Variants in ESR2 observed in about 807,000 individuals in gnomAD.
ESR2 encodes estrogen receptor beta.
In ESR2, 36 loss-of-function variants were observed where a neutral mutation model predicts 49.6. That is an observed-to-expected ratio of 0.73 (90% CI 0.56 to 0.96). The LOEUF (loss-of-function observed/expected upper bound fraction) is 0.96. Among genes scored for constraint, ESR2 ranks in the 40% least tolerant of loss-of-function variants. ESR2 has a pLI of 0.00. For missense variants in ESR2, 714 were observed against 693.0 expected (o/e 1.03, Z -0.34); for synonymous variants, 320 against 266.1 (o/e 1.20, Z -1.97).
chr14:64,238,954 A>G (rs2075664929), intron 7 of ESR2, among the ~76,000 whole-genome samples: 1 of 152,192 alleles, frequency 6.6e-6, no homozygotes. Context: ...AAGATTTGCC[A>G]CGTCTGATTT....
At chr14:64,248,635 T>C (rs890652595) in intron 7 of ESR2, among the ~76,000 whole-genome samples, 1 of 152,172 alleles carries the variant, frequency 6.6e-6, no homozygotes, top group Non-Finnish European at 1.5e-5. Context: ...ATTTGAATGT[T>C]TATTAACAAT....
intron 7 of ESR2, among the ~76,000 whole-genome samples, chr14:64,248,812 C>T (rs550751916): frequency 3.3e-5 from 5 of 152,232 alleles, no homozygotes; most frequent in South Asian, 2.1e-4. Context: ...AATGGGCCCC[C>T]GGCTTCAGTC....
Position 64,235,158 on chromosome 14 carries a change from A to C in ESR2, c.1226-8T>G. ...TGACCAGAGGGTACATACCTGGACA[A>C]AGAATAAAAGCCAGAAGTCATTGCT... On this transcript the variant is annotated splice_region_variant and splice_polypyrimidine_tract_variant and intron_variant, in intron 7 of 8. Transcript: ENST00000341099. 1 of 1,608,610 alleles carries C rather than the reference A, an allele frequency of 6.2e-7. No individual in the cohort carries two copies.
At chr14:64,262,108 T>A (rs2076236277) in intron 4 of ESR2, among the ~76,000 whole-genome samples, 1 of 149,098 alleles carries the variant, frequency 6.7e-6, no homozygotes, top group Non-Finnish European at 1.5e-5. Context: ...TCTTTGGATT[T>A]ACTTTTTTTT....
At chr14:64,227,340 T>C (rs1004832230), downstream of ESR2, 5 of 639,840 alleles carry the variant, frequency 7.8e-6, no homozygotes, top group Non-Finnish European at 1.3e-5. Context: ...GTCTTCACTT[T>C]AGCGTTTACA....
At chr14:64,228,007 G>C (rs1427657501), downstream of ESR2, 4 of 1,527,208 alleles carry the variant, frequency 2.6e-6, no homozygotes, top group Non-Finnish European at 2.6e-6. Context: ...CTGGATACCA[G>C]GACTTTTGTG....
intron 1 of ESR2, among the ~76,000 whole-genome samples, chr14:64,283,711 G>A (rs1298475188): frequency 8.1e-6 from 1 of 124,190 alleles, no homozygotes; most frequent in South Asian, 2.7e-4. Context: ...TTGTGCCACC[G>A]CGCTCCAGCC....
rs372687798 is a variant in ESR2 at position 64,240,231 on chromosome 14, A to ACAGGAGACCAAACTATG, written c.1226-5098_1226-5082dup. On this transcript the variant is annotated intron_variant, in intron 7 of 8. Transcript: ENST00000341099. Reference sequence around the variant, plus strand: ...TTAAGCATGTCACATACACAGGAAAACAGGAGACCAAACTATGCAGGAGAC... The same window carrying ACAGGAGACCAAACTATG: ...TTAAGCATGTCACATACACAGGAAAACAGGAGACCAAACTATGCAGGAGACCAAACTATGCAGGAGAC... Among the ~76,000 whole-genome samples the ACAGGAGACCAAACTATG allele has an allele frequency of 3.7e-3, 558 of 152,364 alleles. 5 individuals are homozygous for ACAGGAGACCAAACTATG. Among genetic ancestry groups the ACAGGAGACCAAACTATG allele is most frequent in the African/African-American group, 0.013 (531 of 41,584 alleles).
chr14:64,227,438 ATT>A, downstream of ESR2: 1 of 1,416,718 alleles, frequency 7.1e-7, no homozygotes, highest in East Asian at 2.3e-5. Context: ...TTTCTTTAAA[ATT>A]ATTTTTTTCA....
In ESR2 at chr14:64,231,792, T is replaced by C. The variant is rs553411787; in HGVS notation, c.*1345A>G. Reference sequence around the variant, plus strand: ...CTTCCATAGTATGCTGTTACTCATTTTACATATTCACCGTGTATCCAAAAC... The same window carrying C: ...CTTCCATAGTATGCTGTTACTCATTCTACATATTCACCGTGTATCCAAAAC... On this transcript the variant is annotated 3_prime_UTR_variant, in exon 9 of 9. Transcript: ENST00000341099. 5.3e-5 allele frequency: 8 copies of C among 152,364 alleles called. No individual in the cohort carries two copies. The South Asian group carries it at 1.7e-3, about 32-fold the overall frequency. The allele number at this position is 152,364 out of a possible 1,614,324, so 9.4% of individuals were successfully genotyped here.
chr14:64,230,783 CT>C lies in ESR2; in HGVS notation c.*2353del, dbSNP rs1211943337. ...CGCTCCTGATACTGCCCACTCGAGG[CT>C]CTAAAGGGATTGCCATTGCCAGTTC... On this transcript the variant is annotated 3_prime_UTR_variant, in exon 9 of 9. Transcript: ENST00000341099. 6.7e-6 allele frequency: 1 copy of C among 150,320 alleles called. No individual in the cohort carries two copies. The highest frequency in any genetic ancestry group is 1.5e-5 in the Non-Finnish European group (1 of 67,850). The allele number at this position is 150,320 out of a possible 1,614,324, so 9.3% of individuals were successfully genotyped here.
chr14:64,233,681 C>T (rs1037129996), intron 8 of ESR2: 20 of 229,952 alleles, frequency 8.7e-5, no homozygotes, highest in African/African-American at 4.4e-4. Flanking sequence ...GCCACATCTT[C>T]ATCAGCTGAT....
intron 1 of ESR2, among the ~76,000 whole-genome samples, chr14:64,323,726 C>T (rs1394571461): frequency 6.6e-6 from 1 of 152,146 alleles, no homozygotes; most frequent in African/African-American, 2.4e-5. Flanking sequence ...GAGTCTTGCT[C>T]TGTCGCCTAA....
chr14:64,251,027 G>A (rs1351773207), intron 6 of ESR2, among the ~76,000 whole-genome samples: 2 of 152,068 alleles, frequency 1.3e-5, no homozygotes, highest in Non-Finnish European at 2.9e-5. Flanking sequence ...GTGCCCCCTG[G>A]AAGTCACTCA....
chr14:64,241,229 C>G (rs566021001), intron 7 of ESR2, among the ~76,000 whole-genome samples: 30 of 150,298 alleles, frequency 2.0e-4, no homozygotes, highest in Admixed American at 1.6e-3. Context: ...ATATTTTTGA[C>G]TAGCAATATT....
Position 64,230,897 on chromosome 14 carries a change from A to C in ESR2, c.*2240T>G, listed in dbSNP as rs2098726583. 9.6e-6 allele frequency: 1 copy of C among 104,686 alleles called. No homozygotes were observed. The highest frequency in any genetic ancestry group is 2.9e-4 in the East Asian group (1 of 3,434). The allele number at this position is 104,686 out of a possible 1,614,324, so 6.5% of individuals were successfully genotyped here. Reference sequence around the variant, plus strand: ...TATATATATATATATATTTCGTGGCAATTTTTTTTTTTTTTTTTTTGAGAC... The same window carrying C: ...TATATATATATATATATTTCGTGGCCATTTTTTTTTTTTTTTTTTTGAGAC... On this transcript the variant is annotated 3_prime_UTR_variant, in exon 9 of 9. Transcript: ENST00000341099.
At chr14:64,326,816 TCA>T (rs1422554771) in intron 1 of ESR2, among the ~76,000 whole-genome samples, 1 of 152,206 alleles carries the variant, frequency 6.6e-6, no homozygotes, top group Non-Finnish European at 1.5e-5. Flanking sequence ...ACCTTTCTCT[TCA>T]GTATCACAGA....
At position 64,277,922 on chromosome 14, in the gene ESR2, C is replaced by T. The variant is rs80164409; in HGVS notation, c.535+2059G>A. 6.7e-3 allele frequency among the ~76,000 whole-genome samples: 1,019 copies of T among 151,800 alleles called. 8 individuals are homozygous for T. The highest frequency in any genetic ancestry group is 0.011 in the Non-Finnish European group (757 of 67,966). On this transcript the variant is annotated intron_variant, in intron 3 of 8. Transcript: ENST00000341099. ...GAAATTTACTTTCAATTGTTATTAG[C>T]TGTAGTCTCAGGGGTCAAAGATGTT...
rs1398526223 is a variant in ESR2 at position 64,318,492 on chromosome 14, G to A, written c.-91+19406C>T. ...GCAAAAGTTGCAGTGAGCCAAGATC[G>A]TGCCACCACACTCTAGCCTGGGCGA... On this transcript the variant is annotated intron_variant, in intron 1 of 8. Transcript: ENST00000358599. Among the ~76,000 whole-genome samples the A allele has an allele frequency of 7.3e-5, 9 of 122,902 alleles. No homozygotes were observed. In the South Asian group the frequency reaches 7.9e-4, roughly 11 times the overall value. The allele number at this position is 122,902 out of a possible 152,430, so 80.6% of individuals were successfully genotyped here. A position where few individuals can be genotyped will look rare whatever the true frequency, so the allele number is the denominator to read the frequency against.
Sources: gnomAD v4.1 joint callset for allele counts (sites outside exome capture counted in the v4.1 genomes callset) on GRCh38, gnomAD v4.1.1 for gene constraint, MANE v1.5 for transcripts, NCBI Gene and HGNC (gene_info 2026-07-23, HGNC 2026-07-21) for gene names.